Variants in NRXN3 observed in about 807,000 individuals in gnomAD.
NRXN3 encodes neurexin III.
In NRXN3, 32 loss-of-function variants were observed where a neutral mutation model predicts 137.6. That is an observed-to-expected ratio of 0.23 (90% CI 0.18 to 0.31). The LOEUF is 0.31. Among genes scored for constraint, NRXN3 ranks in the 10% least tolerant of loss-of-function variants. The pLI, the probability that NRXN3 is intolerant of heterozygous loss-of-function variation, is 1.00. For synonymous variants in NRXN3, 798 were observed against 784.5 expected, an observed-to-expected ratio of 1.02 and a Z score of -0.29; for missense variants, 1,574 against 2,062.5, an observed-to-expected ratio of 0.76 and a Z score of 4.59.
At chr14:78,364,731 A>G (rs779897696) in intron 4 of NRXN3, among the ~76,000 whole-genome samples, 30 of 152,202 alleles carry the variant, frequency 2.0e-4, no homozygotes, top group Non-Finnish European at 4.0e-4. Flanking sequence ...TTTTCATGAA[A>G]CAACATCCAC....
chr14:78,195,508 T>C (rs2061146750), intron 1 of NRXN3, among the ~76,000 whole-genome samples: 1 of 152,148 alleles, frequency 6.6e-6, no homozygotes, highest in Non-Finnish European at 1.5e-5. Flanking sequence ...CAGAAGTGAC[T>C]GCCAGGAAGG....
intron 17 of NRXN3, among the ~76,000 whole-genome samples, chr14:79,685,838 T>G (rs1163865597): frequency 6.6e-6 from 1 of 152,174 alleles, no homozygotes; most frequent in Non-Finnish European, 1.5e-5. Context: ...GTTTAGGATA[T>G]GAAAGAGAAG....
intron 6 of NRXN3, among the ~76,000 whole-genome samples, chr14:78,661,213 A>G (rs1331613429): frequency 1.3e-5 from 2 of 152,248 alleles, no homozygotes. Context: ...AGTGATCAAT[A>G]TAACTGCCAT....
intron 6 of NRXN3, among the ~76,000 whole-genome samples, chr14:78,657,342 G>A (rs768591610): frequency 5.3e-5 from 8 of 152,172 alleles, no homozygotes; most frequent in Non-Finnish European, 1.2e-4. Context: ...CCTCCCACGT[G>A]TTGGACCTTC....
chr14:79,502,503 C>T (rs908273483), intron 16 of NRXN3, among the ~76,000 whole-genome samples: 1 of 151,948 alleles, frequency 6.6e-6, no homozygotes, highest in Non-Finnish European at 1.5e-5. Flanking sequence ...TTCATATTCT[C>T]TCTCTCGCCA....
chr14:79,042,735 T>C (rs1049659734), intron 15 of NRXN3, among the ~76,000 whole-genome samples: 2 of 152,168 alleles, frequency 1.3e-5, no homozygotes, highest in East Asian at 3.9e-4. Flanking sequence ...ATGGCAAGTG[T>C]GTATTTGTGA....
intron 15 of NRXN3, among the ~76,000 whole-genome samples, chr14:79,383,444 T>C (rs1040353336): frequency 2.0e-5 from 3 of 152,146 alleles, no homozygotes; most frequent in Non-Finnish European, 2.9e-5. Context: ...TCAAAATTTG[T>C]CTGCAAAAAG....
intron 15 of NRXN3, among the ~76,000 whole-genome samples, chr14:79,394,266 A>G (rs1451326712): frequency 1.3e-5 from 2 of 152,238 alleles, no homozygotes; most frequent in African/African-American, 4.8e-5. Context: ...AATAACAATG[A>G]TGATAATAAT....
At chr14:79,722,103 T>C (rs1344704250) in intron 19 of NRXN3, among the ~76,000 whole-genome samples, 2 of 152,098 alleles carry the variant, frequency 1.3e-5, no homozygotes, top group Non-Finnish European at 2.9e-5. Context: ...ATATCAACTT[T>C]ATAGGATTGA....
At chr14:78,392,992 C>T (rs983073310) in intron 4 of NRXN3, among the ~76,000 whole-genome samples, 15 of 152,048 alleles carry the variant, frequency 9.9e-5, no homozygotes, top group African/African-American at 3.1e-4. Context: ...TTAGCTTTAT[C>T]TTTCAGAATC....
chr14:79,240,932 G>A (rs770821821), intron 15 of NRXN3, among the ~76,000 whole-genome samples: 3 of 152,084 alleles, frequency 2.0e-5, no homozygotes, highest in African/African-American at 7.2e-5. Flanking sequence ...CCCCAATAGG[G>A]TCTATGCAAT....
chr14:79,668,384 G>C (rs1461770523), intron 17 of NRXN3, among the ~76,000 whole-genome samples: 3 of 151,922 alleles, frequency 2.0e-5, no homozygotes, highest in African/African-American at 7.3e-5. Flanking sequence ...TGAAGGACAG[G>C]GTTTGGTATT....
intron 15 of NRXN3, among the ~76,000 whole-genome samples, chr14:79,099,969 T>C (rs558721108): frequency 6.6e-6 from 1 of 152,296 alleles, no homozygotes; most frequent in East Asian, 1.9e-4. Flanking sequence ...GGCAAGGGAA[T>C]GACCCAAACA....
chr14:79,824,881 T>C (rs893340943), intron 20 of NRXN3, among the ~76,000 whole-genome samples: 3 of 152,254 alleles, frequency 2.0e-5, no homozygotes, highest in Non-Finnish European at 2.9e-5. Context: ...AGATTTGCTT[T>C]CTTATTCTAA....
intron 19 of NRXN3, among the ~76,000 whole-genome samples, chr14:79,801,289 T>G (rs1380202818): frequency 6.6e-6 from 1 of 152,214 alleles, no homozygotes; most frequent in Non-Finnish European, 1.5e-5. Context: ...TACATTTTTC[T>G]TTATCACTCC....
At chr14:78,728,694 G>A (rs28505980) in intron 8 of NRXN3, among the ~76,000 whole-genome samples, 77,649 of 151,836 alleles carry the variant, frequency 0.51, 23,209 homozygotes, top group Non-Finnish European at 0.65. Flanking sequence ...TCATGAGTTC[G>A]AGACCAGCCT....
intron 15 of NRXN3, among the ~76,000 whole-genome samples, chr14:79,407,370 C>T (rs2095334708): frequency 6.6e-6 from 1 of 152,024 alleles, no homozygotes; most frequent in African/African-American, 2.4e-5. Context: ...GGGATTCCTC[C>T]CTTCATCATG....
intron 4 of NRXN3, among the ~76,000 whole-genome samples, chr14:78,639,469 C>T (rs188849624): frequency 2.6e-5 from 4 of 152,300 alleles, no homozygotes; most frequent in South Asian, 2.1e-4. Context: ...TCTAAAAATT[C>T]CATTTCTAAG....
intron 16 of NRXN3, among the ~76,000 whole-genome samples, chr14:79,504,670 T>TATATATATATATATATATATATAA (rs1297701522): frequency 4.2e-5 from 6 of 143,102 alleles, no homozygotes; most frequent in African/African-American, 1.6e-4. Context: ...TATATATATA[T>TATATATATATATATATATATATAA]ATATAAAACA....
Sources: gnomAD v4.1 joint callset for allele counts (sites outside exome capture counted in the v4.1 genomes callset) on GRCh38, gnomAD v4.1.1 for gene constraint, MANE v1.5 for transcripts, NCBI Gene and HGNC (gene_info 2026-07-23, HGNC 2026-07-21) for gene names.